Variants in ANO8 observed in about 807,000 individuals in gnomAD.
ANO8 encodes anoctamin-8.
Under a neutral mutation model 120.4 loss-of-function variants are expected in ANO8, and 67 were observed. That is an observed-to-expected ratio of 0.56 (90% confidence interval 0.46 to 0.68). The LOEUF (loss-of-function observed/expected upper bound fraction) is 0.68. ANO8 is among the 30% of genes least tolerant of loss of function. The probability of loss-of-function intolerance (pLI) is 0.00; values close to 1 mark genes in which losing one functional copy is unlikely to be tolerated. For missense variants in ANO8, 1,526 were observed against 1,737.6 expected (o/e 0.88, Z 2.16); for synonymous variants, 727 against 759.2 (o/e 0.96, Z 0.70).
In ANO8 at chr19:17,333,621, G is replaced by T; in HGVS notation, c.218-67C>A. ...GGCCCAAGGCCTCCTACGTATTCCCGTTCTGGGAAGCCGAGCTCAGGAGAG... is the reference window on the plus strand; with the variant it reads ...GGCCCAAGGCCTCCTACGTATTCCCTTTCTGGGAAGCCGAGCTCAGGAGAG... On this transcript the variant is annotated intron_variant, in intron 2 of 17. Coordinates refer to ENST00000159087, the MANE Select transcript of ANO8 (RefSeq NM_020959.3). This position sits in a 1 kb window ranked among gnomAD's most constrained non-coding sequence, Gnocchi z 7.2. 2 of 1,575,732 alleles carry T rather than the reference G, an allele frequency of 1.3e-6. No homozygotes were observed. Among genetic ancestry groups the T allele is most frequent in the Middle Eastern group, 1.7e-4 (1 of 5,734 alleles).
intron 12 of ANO8, chr19:17,329,232 C>T (rs1448115422): frequency 2.2e-6 from 1 of 451,222 alleles, no homozygotes; most frequent in African/African-American, 2.1e-5. Context: ...TCCACCCCAC[C>T]GCGGGCTCTG....
At position 17,328,114 on chromosome 19, in the gene ANO8, C is replaced by A. The variant is rs113207944; in HGVS notation, c.2226+48G>T. ...GCCTTCACCCTCGGACGGTGTGTCC[C>A]GTCCCCGGCGAGGCCCCGCCCCCTG... is the stretch of plus-strand genomic sequence containing the variant. On this transcript the variant is annotated intron_variant, in intron 13 of 17. Coordinates refer to ENST00000159087, the MANE Select transcript of ANO8 (RefSeq NM_020959.3). The A allele has an allele frequency of 7.2e-5, 106 of 1,470,506 alleles. 3 individuals carry two copies. The highest frequency in any genetic ancestry group is 7.2e-4 in the African/African-American group (51 of 70,916). 91.1% of individuals were successfully genotyped at this position (1,470,506 alleles called of 1,614,324 possible).
At position 17,327,875 on chromosome 19, in the gene ANO8, C is replaced by A; in HGVS notation, c.2232G>T (p.Thr744=). 6.2e-7 allele frequency: 1 copy of A among 1,612,994 alleles called. No individual in the cohort carries two copies. The highest frequency in any genetic ancestry group is 8.5e-7 in the Non-Finnish European group (1 of 1,179,230). The change falls in exon 14 of 18, where the codon ACG becomes ACT. Residue 744 remains threonine, a synonymous_variant. Coordinates refer to ENST00000159087, the MANE Select transcript of ANO8 (RefSeq NM_020959.3). ...LESCMKKYED[T]FQDYQEMFVQ... is the part of the protein sequence containing the mutation. Reference sequence around the variant, plus strand: ...CGAACATCTCCTGGTAGTCCTGGAACGTGTCCTGCGAGTGGGCGGGCCTCA... The same window carrying A: ...CGAACATCTCCTGGTAGTCCTGGAAAGTGTCCTGCGAGTGGGCGGGCCTCA...
intron 5 of ANO8, among the ~76,000 whole-genome samples, chr19:17,331,736 C>CGA (rs999526416): frequency 6.6e-6 from 1 of 151,020 alleles, no homozygotes; most frequent in African/African-American, 2.4e-5. Flanking sequence ...AACCTTCAAG[C>CGA]GATTATCGTG....
At chr19:17,326,810 C>T (rs1167651051) in intron 16 of ANO8, among the ~76,000 whole-genome samples, 1 of 152,202 alleles carries the variant, frequency 6.6e-6, no homozygotes, top group African/African-American at 2.4e-5. Flanking sequence ...TGTCCCTGGC[C>T]CCCTAACAGG....
rs760334318 is a variant in ANO8 at position 17,329,956 on chromosome 19, C to T, written c.1329+3G>A. ...CCCTGCCTGTCCGATGGTGGTGACT[C>T]ACCAGGACAACTTTGATGATGAGGT... is the stretch of plus-strand genomic sequence containing the variant. On this transcript the variant is annotated splice_donor_region_variant and intron_variant, in intron 11 of 17. Transcript: ENST00000159087. The T allele has an allele frequency of 3.1e-6, 5 of 1,614,068 alleles. No individual in the cohort carries two copies. The South Asian group carries it at 5.5e-5, about 18-fold the overall frequency.
rs764377157 is a variant in ANO8 at position 17,324,826 on chromosome 19, C to T, written c.3222G>A (p.Arg1074=). The T allele has an allele frequency of 1.2e-6, 2 of 1,609,858 alleles. No individual in the cohort carries two copies. Among genetic ancestry groups the T allele is most frequent in the Admixed American group, 1.7e-5 (1 of 59,684 alleles). The change falls in exon 17 of 18, where the codon CGG becomes CGA. Residue 1074 remains arginine, a synonymous_variant. Coordinates refer to ENST00000159087, the MANE Select transcript of ANO8 (RefSeq NM_020959.3). ...TGCCACTGCTGGGGGTCCCATCTGGCCGGGCCTGCCCGCCCGCCCCGTTGG... is the reference window on the plus strand; with the variant it reads ...TGCCACTGCTGGGGGTCCCATCTGGTCGGGCCTGCCCGCCCGCCCCGTTGG... ...PGSNGAGGQA[R]PDGTPSSGSS...
In ANO8 at chr19:17,329,748, G is replaced by A. The variant is rs767333018; in HGVS notation, c.1404+9C>T. Reference sequence around the variant, plus strand: ...GCAGGGGGGACTGCCGCTGGGGCGGGGGTCTCACCTCTTTCAAGCGCTCCA... The same window carrying A: ...GCAGGGGGGACTGCCGCTGGGGCGGAGGTCTCACCTCTTTCAAGCGCTCCA... On this transcript the variant is annotated intron_variant, in intron 12 of 17. Coordinates refer to ENST00000159087, the MANE Select transcript of ANO8 (RefSeq NM_020959.3). 6.2e-7 allele frequency: 1 copy of A among 1,609,134 alleles called. No homozygotes were observed. Among genetic ancestry groups the A allele is most frequent in the Admixed American group, 1.7e-5 (1 of 59,468 alleles).
intron 5 of ANO8, among the ~76,000 whole-genome samples, chr19:17,332,480 T>C (rs950637969): frequency 6.6e-6 from 1 of 152,144 alleles, no homozygotes; most frequent in African/African-American, 2.4e-5. Context: ...GAAGGTGAAC[T>C]TGGGTGCCTA....
chr19:17,329,083 CCCAGACACA>C, intron 12 of ANO8, 100 bp from the exon 13 acceptor site: 1 of 937,478 alleles, frequency 1.1e-6, no homozygotes, highest in Non-Finnish European at 1.5e-6. Context: ...GAGCACCGTG[CCCAGACACA>C]CGCCGAATCC....
At chr19:17,328,109 T>A (rs11667523) in intron 13 of ANO8, 53 bp downstream of exon 13, 5 of 1,363,200 alleles carry the variant, frequency 3.7e-6, no homozygotes, top group Non-Finnish European at 4.9e-6. Flanking sequence ...TCGGACGGTG[T>A]GTCCCGTCCC....
Position 17,328,834 on chromosome 19 carries a change from G to A in ANO8, c.1554C>T (p.Leu518=), listed in dbSNP as rs1052488250. 1 of 1,455,180 alleles carries A rather than the reference G, an allele frequency of 6.9e-7. No homozygotes were observed. Among genetic ancestry groups the A allele is most frequent in the Admixed American group, 2.5e-5 (1 of 39,446 alleles). The allele number at this position is 1,455,180 out of a possible 1,614,324, so 90.1% of individuals were successfully genotyped here. ...CGAGGCGGCGGGGCGCAGGGCGCCG[G>A]AGGCTCAGGAGGCCAAGCAGGGCTC... The part of the protein sequence containing the change: ...LARALLGLLS[L]RRPAPRRLEP... Residue 518 remains leucine, a synonymous_variant, in exon 13 of 18, where the codon CTC becomes CTT. Coordinates refer to ENST00000159087, the MANE Select transcript of ANO8 (RefSeq NM_020959.3).
chr19:17,327,525 G>C lies in ANO8; in HGVS notation c.2463C>G (p.Cys821Trp), dbSNP rs1462044766. ...GCTGCCCGCACTGGCCGATTAAGTAGCAGTTGACCACAATCGCTAGGACAC... is the reference window on the plus strand; with the variant it reads ...GCTGCCCGCACTGGCCGATTAAGTACCAGTTGACCACAATCGCTAGGACAC... ...AMGVLAIVVN[C>W]YLIGQCGQLQ... The change falls in exon 15 of 18, where the codon TGC becomes TGG. Residue 821 changes from cysteine (C) to tryptophan (W), a missense_variant. Transcript: ENST00000159087. 1 of 1,613,460 alleles carries C rather than the reference G, an allele frequency of 6.2e-7. No individual in the cohort carries two copies. Among genetic ancestry groups the C allele is most frequent in the South Asian group, 1.1e-5 (1 of 91,080 alleles).
Position 17,329,814 on chromosome 19 carries a change from C to A in ANO8, c.1347G>T (p.Ser449=), listed in dbSNP as rs1437977588. ...IKVVLFQFVN[S]YLSLFYIGFY... is the part of the protein sequence containing the mutation. ...AACCGATGTAGAAGAGGCTCAGGTACGAGTTGACAAACTGGAACTGCAGGA... is the reference window on the plus strand; with the variant it reads ...AACCGATGTAGAAGAGGCTCAGGTAAGAGTTGACAAACTGGAACTGCAGGA... Residue 449 remains serine (S), a synonymous_variant, in exon 12 of 18, where the codon TCG becomes TCT. Transcript: ENST00000159087. 1.9e-6 allele frequency: 3 copies of A among 1,613,652 alleles called. No homozygotes were observed. The highest frequency in any genetic ancestry group is 2.7e-5 in the African/African-American group (2 of 74,878).
chr19:17,325,307 G>C lies in ANO8; in HGVS notation c.2741C>G (p.Ala914Gly), dbSNP rs2074267119. 1 of 1,605,686 alleles carries C rather than the reference G, an allele frequency of 6.2e-7. No homozygotes were observed. The change falls in exon 17 of 18, where the codon GCA becomes GGA. Residue 914 changes from alanine to glycine, a missense_variant. Ala to Gly is a moderately conservative substitution (Grantham distance 60). Around this residue, in one of 8 missense-constraint regions of ANO8, gnomAD observed 489 missense variants for 548.6 expected, o/e 0.89. Coordinates refer to ENST00000159087, the MANE Select transcript of ANO8 (RefSeq NM_020959.3). ...ATGCTCCCGCCGGGCATGGTGCTCT[G>C]CATGGCGCTGTCGCTCCTCCTCCTC... ...RREEEERQRH[A>G]EHHARREHDS...
chr19:17,331,653 T>C (rs550376529), intron 5 of ANO8, among the ~76,000 whole-genome samples: 1 of 84,680 alleles, frequency 1.2e-5, no homozygotes, highest in African/African-American at 3.1e-5. Context: ...GGAACCATGT[T>C]TTTTTTTTTT....
Position 17,323,495 on chromosome 19 carries a change from A to C in ANO8, c.*22T>G, listed in dbSNP as rs752302202. On this transcript the variant is annotated 3_prime_UTR_variant, in exon 18 of 18. Transcript: ENST00000159087. ...TGAATGACTGATATTGCATATGAGA[A>C]GAGAAGGCAGGGCGGGTAGAGCTAA... 7.8e-7 allele frequency: 1 copy of C among 1,289,688 alleles called. No individual in the cohort carries two copies. The highest frequency in any genetic ancestry group is 3.1e-5 in the Admixed American group (1 of 32,596). The allele number at this position is 1,289,688 out of a possible 1,614,324, so 79.9% of individuals were successfully genotyped here.
Position 17,328,248 on chromosome 19 carries a change from G to T in ANO8, c.2140C>A (p.Arg714=), listed in dbSNP as rs1241990415. 3 of 1,610,910 alleles carry T rather than the reference G, an allele frequency of 1.9e-6. No individual in the cohort carries two copies. Among genetic ancestry groups the T allele is most frequent in the African/African-American group, 1.3e-5 (1 of 74,974 alleles). Residue 714 remains arginine, a synonymous_variant, in exon 13 of 18, where the codon CGG becomes AGG. Transcript: ENST00000159087. ...TCCGGCGGGTCAATCCAAGACGACC[G>T]GTTCTGCCGTCTCTGCCTACGGGTC... ...DSTRRQRRQN[R]SSWIDPPEEE...
At chr19:17,327,664 C>T in intron 14 of ANO8, 25 bp downstream of exon 14, 8 of 1,610,344 alleles carry the variant, frequency 5.0e-6, no homozygotes, top group Non-Finnish European at 6.8e-6. Context: ...TGGGCCTCAG[C>T]TCGGATCTCT....
Sources: allele counts gnomAD v4.1 joint callset (sites outside exome capture counted in the v4.1 genomes callset), GRCh38; gene constraint gnomAD v4.1.1; regional missense constraint gnomAD v4.1.1; non-coding constraint Gnocchi (gnomAD v3.1); transcripts MANE v1.5; gene names NCBI Gene and HGNC (gene_info 2026-07-23, HGNC 2026-07-21).